The following SLC35F4 variants were observed in gnomAD, a reference collection of about 807,000 sequenced individuals.
SLC35F4 encodes chromosome 14 open reading frame 36.
A neutral mutation model predicts 44.2 loss-of-function variants in SLC35F4; 24 were observed. The observed-to-expected ratio is 0.54, with a 90% CI of 0.39 to 0.76. The LOEUF is 0.76. Ranked by LOEUF, SLC35F4 falls within the 30% of genes least tolerant of loss-of-function variation. The pLI, the probability that SLC35F4 is intolerant of heterozygous loss-of-function variation, is 0.00. For missense variants in SLC35F4, 562 were observed against 586.1 expected (o/e 0.96, Z 0.42); for synonymous variants, 238 against 223.6 (o/e 1.06, Z -0.57).
At chr14:57,629,841 C>A in intron 1 of SLC35F4, 1 of 331,744 alleles carries the variant, frequency 3.0e-6, no homozygotes, top group Non-Finnish European at 6.0e-6. Context: ...GGATCGGCAG[C>A]CGGAGATGCA....
intron 1 of SLC35F4, among the ~76,000 whole-genome samples, chr14:57,819,014 C>T (rs1244062469): frequency 1.3e-5 from 2 of 152,184 alleles, no homozygotes; most frequent in Non-Finnish European, 2.9e-5. Flanking sequence ...AATTAATATC[C>T]TGCAGACATC....
intron 1 of SLC35F4, among the ~76,000 whole-genome samples, chr14:57,611,348 A>C (rs1478415630): frequency 6.6e-6 from 1 of 152,192 alleles, no homozygotes; most frequent in Non-Finnish European, 1.5e-5. Flanking sequence ...AGGATTGGTC[A>C]TATGAAGTTG....
intron 1 of SLC35F4, chr14:57,631,196 C>G (rs1163132832): frequency 6.6e-6 from 1 of 151,906 alleles, no homozygotes; most frequent in Non-Finnish European, 1.5e-5. Flanking sequence ...AGTGTGGATT[C>G]GTTTTTTTGT....
At position 57,628,243 on chromosome 14, in the gene SLC35F4, A is replaced by ATTT. The variant is rs34583525; in HGVS notation, c.104-34122_104-34120dup. Among the ~76,000 whole-genome samples, 9 of 128,984 alleles carry ATTT rather than the reference A, an allele frequency of 7.0e-5. 1 individual carries two copies. The South Asian group carries it at 7.8e-4, about 11-fold the overall frequency. 84.6% of individuals were successfully genotyped at this position (128,984 alleles called of 152,430 possible). On this transcript the variant is annotated intron_variant, in intron 1 of 7. Coordinates refer to ENST00000556826, the MANE Select transcript of SLC35F4 (RefSeq NM_001306087.2). ...TCGCTGATGCTTTCTATATGACTGAATTTTTTTTTTTTTTTGCCATTTTAC... is the reference window on the plus strand; with the variant it reads ...TCGCTGATGCTTTCTATATGACTGAATTTTTTTTTTTTTTTTTTGCCATTTTAC...
intron 1 of SLC35F4, among the ~76,000 whole-genome samples, chr14:57,968,693 T>A (rs936255332): frequency 2.6e-5 from 4 of 152,156 alleles, no homozygotes; most frequent in African/African-American, 2.4e-5. Context: ...TGGCAATCTG[T>A]GTTTAATAAG....
intron 1 of SLC35F4, among the ~76,000 whole-genome samples, chr14:57,732,350 T>A (rs2076363114): frequency 6.6e-6 from 1 of 152,064 alleles, no homozygotes; most frequent in Non-Finnish European, 1.5e-5. Context: ...CAAACTAAAG[T>A]ATAAAAACAA....
At chr14:57,887,506 A>C (rs913507551) in intron 1 of SLC35F4, among the ~76,000 whole-genome samples, 5 of 152,186 alleles carry the variant, frequency 3.3e-5, no homozygotes, top group Admixed American at 6.5e-5. Context: ...ACTGAGAAAC[A>C]GAGCCCCCTC....
chr14:57,860,583 A>T (rs1459805601), intron 1 of SLC35F4, among the ~76,000 whole-genome samples: 1 of 152,172 alleles, frequency 6.6e-6, no homozygotes, highest in African/African-American at 2.4e-5. Context: ...TAATTTCCAA[A>T]CCACTAGGGT....
At chr14:57,652,605 C>A (rs957995846) in intron 1 of SLC35F4, among the ~76,000 whole-genome samples, 3 of 152,086 alleles carry the variant, frequency 2.0e-5, no homozygotes, top group African/African-American at 7.2e-5. Flanking sequence ...TGCTGCTAAA[C>A]AGCCTACAGT....
chr14:57,808,732 G>C (rs1401289194), intron 1 of SLC35F4, among the ~76,000 whole-genome samples: 1 of 152,188 alleles, frequency 6.6e-6, no homozygotes, highest in Non-Finnish European at 1.5e-5. Context: ...CTTGAGTCCA[G>C]GAGGTCAAGG....
At chr14:57,630,276 A>G in intron 1 of SLC35F4, 1 of 559,872 alleles carries the variant, frequency 1.8e-6, no homozygotes, top group Middle Eastern at 6.1e-4. Context: ...AAGTTGTAAA[A>G]GAAGGAGATC....
Position 57,581,404 on chromosome 14 carries a change from C to G in SLC35F4, c.617G>C (p.Gly206Ala). ...RECSRIFGED[G>A]LTLKLFLKRT... Reference sequence around the variant, plus strand: ...TTTAAGAAAGAGTTTCAGCGTCAGACCATCTTCACCAAAAATCCGACTGCA... The same window carrying G: ...TTTAAGAAAGAGTTTCAGCGTCAGAGCATCTTCACCAAAAATCCGACTGCA... Residue 206 changes from glycine (G) to alanine (A), a missense_variant, in exon 4 of 8, where the codon GGT (glycine) becomes GCT (alanine). Gly to Ala is a moderately conservative substitution (Grantham distance 60, BLOSUM62 0). Coordinates refer to ENST00000556826, the MANE Select transcript of SLC35F4 (RefSeq NM_001306087.2). The G allele has an allele frequency of 6.2e-7, 1 of 1,611,770 alleles. No homozygotes were observed. Among genetic ancestry groups the G allele is most frequent in the African/African-American group, 1.3e-5 (1 of 75,016 alleles).
chr14:57,779,313 C>A (rs1421075913), intron 1 of SLC35F4, among the ~76,000 whole-genome samples: 1 of 151,966 alleles, frequency 6.6e-6, no homozygotes, highest in Non-Finnish European at 1.5e-5. Flanking sequence ...TTACCACTGA[C>A]CTCACAGAAT....
chr14:57,881,787 T>A (rs1888539606), intron 1 of SLC35F4, among the ~76,000 whole-genome samples: 1 of 128,578 alleles, frequency 7.8e-6, no homozygotes, highest in Admixed American at 7.4e-5. Context: ...GATTTGGGGT[T>A]TTTTTAAAGT....
intron 1 of SLC35F4, among the ~76,000 whole-genome samples, chr14:57,934,802 G>T (rs1286931658): frequency 6.6e-6 from 1 of 152,136 alleles, no homozygotes; most frequent in Admixed American, 6.5e-5. Flanking sequence ...CAGAAAGTTT[G>T]AGCCTGATTA....
chr14:57,717,365 GGT>G (rs1394863998), intron 1 of SLC35F4, among the ~76,000 whole-genome samples: 1 of 152,098 alleles, frequency 6.6e-6, no homozygotes, highest in African/African-American at 2.4e-5. Flanking sequence ...AGCTGGGCGC[GGT>G]GGCTCACCCC....
intron 1 of SLC35F4, among the ~76,000 whole-genome samples, chr14:57,800,301 A>G (rs112963195): frequency 0.028 from 4,328 of 152,260 alleles, 123 homozygotes; most frequent in African/African-American, 0.075. Flanking sequence ...TAAAAGAAAA[A>G]CAAACAGAAA....
chr14:57,836,356 G>A (rs1018577463), intron 1 of SLC35F4, among the ~76,000 whole-genome samples: 6 of 152,128 alleles, frequency 3.9e-5, no homozygotes, highest in African/African-American at 1.4e-4. Flanking sequence ...GCAGTGGCGC[G>A]ATCTCAGCTC....
intron 1 of SLC35F4, among the ~76,000 whole-genome samples, chr14:57,688,242 A>T (rs1466791628): frequency 6.6e-6 from 1 of 152,154 alleles, no homozygotes; most frequent in East Asian, 1.9e-4. Context: ...GAGGAAAAAA[A>T]AAGGTATTGG....
Sources: allele counts gnomAD v4.1 joint callset (sites outside exome capture counted in the v4.1 genomes callset), GRCh38; gene constraint gnomAD v4.1.1; transcripts MANE v1.5; gene names NCBI Gene and HGNC (gene_info 2026-07-23, HGNC 2026-07-21).